Variants in WDPCP observed in about 807,000 individuals in gnomAD.
The protein encoded by WDPCP is WD repeat containing planar cell polarity effector.
In WDPCP, 71 loss-of-function variants were observed where a neutral mutation model predicts 93.1. The observed-to-expected ratio is 0.76, with a 90% CI of 0.63 to 0.93. The LOEUF is 0.93. Ranked by LOEUF, WDPCP falls within the 40% of genes least tolerant of loss-of-function variation. The probability of loss-of-function intolerance (pLI) is 0.00; values close to 1 mark genes in which losing one functional copy is unlikely to be tolerated. For missense variants in WDPCP, 844 were observed against 887.4 expected, an observed-to-expected ratio of 0.95 and a Z score of 0.62; for synonymous variants, 315 against 315.0, an observed-to-expected ratio of 1.00 and a Z score of 0.00.
intron 9 of WDPCP, among the ~76,000 whole-genome samples, chr2:63,413,786 AAAACAAAC>A (rs35156273): frequency 4.0e-5 from 6 of 150,504 alleles, no homozygotes; most frequent in South Asian, 2.1e-4. Context: ...TCTGTCTCAA[AAAACAAAC>A]AAACAAACAA....
upstream of WDPCP, among the ~76,000 whole-genome samples, chr2:63,830,930 C>T (rs1019424882): frequency 4.6e-5 from 7 of 152,102 alleles, no homozygotes; most frequent in East Asian, 1.9e-4. Flanking sequence ...TCTGAGGTTC[C>T]GACTCACATC....
At chr2:63,683,374 C>G (rs1419707129) in intron 2 of WDPCP, among the ~76,000 whole-genome samples, 1 of 151,890 alleles carries the variant, frequency 6.6e-6, no homozygotes, top group Non-Finnish European at 1.5e-5. Context: ...TAAAGATGCA[C>G]ATAGACTGAA....
intron 10 of WDPCP, among the ~76,000 whole-genome samples, chr2:63,400,286 A>G (rs748795793): frequency 6.6e-6 from 1 of 152,210 alleles, no homozygotes; most frequent in Non-Finnish European, 1.5e-5. Flanking sequence ...TAAAAAATCA[A>G]CTGGAAATGG....
At chr2:63,778,785 T>C (rs1365561719) in intron 2 of WDPCP, among the ~76,000 whole-genome samples, 1 of 152,212 alleles carries the variant, frequency 6.6e-6, no homozygotes, top group Non-Finnish European at 1.5e-5. Flanking sequence ...AGTCTCACTG[T>C]TGGTTCTGAG....
At chr2:63,575,458 A>AGTGTATGCACT (rs1558832747) in intron 1 of WDPCP, among the ~76,000 whole-genome samples, 14 of 37,744 alleles carry the variant, frequency 3.7e-4, no homozygotes, top group Non-Finnish European at 4.8e-4. Context: ...CTGTATATAC[A>AGTGTATGCACT]GTATATATGC....
intron 2 of WDPCP, among the ~76,000 whole-genome samples, chr2:63,799,398 G>A (rs1670662081): frequency 6.6e-6 from 1 of 152,184 alleles, no homozygotes; most frequent in African/African-American, 2.4e-5. Flanking sequence ...AGCTTACTGA[G>A]ATTCAGTGAT....
the WDPCP span, among the ~76,000 whole-genome samples, chr2:63,833,479 A>T: frequency 1.3e-5 from 2 of 152,338 alleles, no homozygotes; most frequent in African/African-American, 4.8e-5. Context: ...CCTAGACACC[A>T]ATATGCGAAA....
chr2:63,682,873 AATAACT>A (rs144777618), intron 2 of WDPCP, among the ~76,000 whole-genome samples: 2,965 of 152,296 alleles, frequency 0.019, 82 homozygotes, highest in African/African-American at 0.064. Context: ...AATCAAAAAC[AATAACT>A]ATAACAACTT....
intron 1 of WDPCP, among the ~76,000 whole-genome samples, chr2:63,559,583 T>C (rs1453874752): frequency 6.6e-6 from 1 of 152,168 alleles, no homozygotes; most frequent in Non-Finnish European, 1.5e-5. Context: ...AGTTTCAAGA[T>C]ACAAAATCAA....
chr2:63,457,797 C>T (rs905299838), intron 6 of WDPCP, among the ~76,000 whole-genome samples: 1 of 152,070 alleles, frequency 6.6e-6, no homozygotes, highest in African/African-American at 2.4e-5. Context: ...CATAGAAAGA[C>T]CATCCATCAT....
intron 12 of WDPCP, among the ~76,000 whole-genome samples, chr2:63,339,708 A>C (rs113024805): frequency 2.0e-5 from 3 of 151,994 alleles, no homozygotes; most frequent in Non-Finnish European, 2.9e-5. Context: ...AATTGCTCTC[A>C]CCAGGAGTTT....
intron 2 of WDPCP, among the ~76,000 whole-genome samples, chr2:63,668,832 C>T (rs1417497983): frequency 6.6e-6 from 1 of 152,182 alleles, no homozygotes; most frequent in African/African-American, 2.4e-5. Context: ...TTGTGACAGA[C>T]TCTAATAGGC....
chr2:63,224,834 C>G (rs962823183), intron 14 of WDPCP, among the ~76,000 whole-genome samples: 11 of 151,898 alleles, frequency 7.2e-5, no homozygotes, highest in Non-Finnish European at 1.5e-4. Flanking sequence ...ATATATTTGT[C>G]TAAACCTATA....
At chr2:63,418,358 G>A (rs867064593) in intron 9 of WDPCP, among the ~76,000 whole-genome samples, 3 of 152,126 alleles carry the variant, frequency 2.0e-5, no homozygotes, top group African/African-American at 2.4e-5. Flanking sequence ...AAATGACAAC[G>A]ATCTGAACAA....
At chr2:63,725,039 T>A (rs1249363611) in intron 2 of WDPCP, among the ~76,000 whole-genome samples, 1 of 152,222 alleles carries the variant, frequency 6.6e-6, no homozygotes, top group Non-Finnish European at 1.5e-5. Context: ...AGCAGCCAGT[T>A]TTTTTTCTTT....
At chr2:63,338,614 A>G (rs1189354369) in intron 12 of WDPCP, among the ~76,000 whole-genome samples, 2 of 132,652 alleles carry the variant, frequency 1.5e-5, no homozygotes, top group Admixed American at 1.5e-4. Flanking sequence ...ATATATATAT[A>G]TATGGATAAT....
chr2:63,626,565 A>G (rs918065858), intron 3 of WDPCP, among the ~76,000 whole-genome samples: 3 of 152,258 alleles, frequency 2.0e-5, no homozygotes, highest in African/African-American at 7.2e-5. Flanking sequence ...GCCAATAAAC[A>G]TATTTTAAAA....
At chr2:63,176,098 T>A (rs1462526890) in intron 14 of WDPCP, among the ~76,000 whole-genome samples, 3 of 152,224 alleles carry the variant, frequency 2.0e-5, no homozygotes, top group Non-Finnish European at 4.4e-5. Flanking sequence ...TGTTATTTTC[T>A]GTTTTTTTAA....
intron 2 of WDPCP, among the ~76,000 whole-genome samples, chr2:63,697,736 T>G (rs1668979463): frequency 6.6e-6 from 1 of 151,888 alleles, no homozygotes; most frequent in Non-Finnish European, 1.5e-5. Flanking sequence ...CACCCTAGAC[T>G]TCCTGGGCTG....
Sources: gnomAD v4.1 joint callset for allele counts (sites outside exome capture counted in the v4.1 genomes callset) on GRCh38, gnomAD v4.1.1 for gene constraint, MANE v1.5 for transcripts, NCBI Gene and HGNC (gene_info 2026-07-23, HGNC 2026-07-21) for gene names.